The following LRP1B variants were observed in gnomAD, a reference collection of about 807,000 sequenced individuals.
The protein encoded by LRP1B is low-density lipoprotein receptor-related protein 1B.
LRP1B carries 217 observed loss-of-function variants against 556.6 expected under a neutral mutation model. That is an observed-to-expected ratio of 0.39 (90% CI 0.35 to 0.44). The LOEUF (loss-of-function observed/expected upper bound fraction) is 0.44. Ranked by LOEUF, LRP1B falls within the 20% of genes least tolerant of loss-of-function variation. The pLI, the probability that LRP1B is intolerant of heterozygous loss-of-function variation, is 1.00. For synonymous variants in LRP1B, 2,047 were observed against 1,865.8 expected (o/e 1.10, Z -2.50); for missense variants, 5,053 against 5,620.8 (o/e 0.90, Z 3.23).
At chr2:141,096,957 C>A (rs976955632) in intron 7 of LRP1B, among the ~76,000 whole-genome samples, 2 of 152,104 alleles carry the variant, frequency 1.3e-5, no homozygotes, top group African/African-American at 4.8e-5. Flanking sequence ...CAGAAAATTT[C>A]TGTAGATTAA....
intron 2 of LRP1B, among the ~76,000 whole-genome samples, chr2:141,501,176 T>C (rs773738561): frequency 1.2e-4 from 18 of 152,142 alleles, no homozygotes; most frequent in Non-Finnish European, 2.6e-4. Flanking sequence ...CTTAAGAAAC[T>C]TTCATCTTCT....
intron 2 of LRP1B, among the ~76,000 whole-genome samples, chr2:141,507,763 T>C (rs1186030922): frequency 6.6e-6 from 1 of 152,060 alleles, no homozygotes; most frequent in Non-Finnish European, 1.5e-5. Flanking sequence ...TAGGAAAAAA[T>C]ATTATGTTTT....
chr2:140,956,296 C>T (rs1695870290), intron 18 of LRP1B, among the ~76,000 whole-genome samples: 1 of 151,680 alleles, frequency 6.6e-6, no homozygotes, highest in Admixed American at 6.6e-5. Flanking sequence ...TTGAATACAA[C>T]ACTCTGATCA....
chr2:141,917,040 C>G (rs1248412512), intron 1 of LRP1B, among the ~76,000 whole-genome samples: 1 of 152,084 alleles, frequency 6.6e-6, no homozygotes, highest in Non-Finnish European at 1.5e-5. Flanking sequence ...CTTTGCCTTT[C>G]CAAATATGAA....
intron 2 of LRP1B, among the ~76,000 whole-genome samples, chr2:141,669,382 T>C (rs1690575685): frequency 6.6e-6 from 1 of 152,060 alleles, no homozygotes; most frequent in Non-Finnish European, 1.5e-5. Context: ...CCCCCAGAAA[T>C]CCTAGAAAAT....
intron 2 of LRP1B, among the ~76,000 whole-genome samples, chr2:141,601,188 CTGTCTGTCTGTCAG>C (rs1458110893): frequency 2.1e-5 from 3 of 142,586 alleles, no homozygotes; most frequent in African/African-American, 8.0e-5. Context: ...CATATAGTAT[CTGTCTGTCTGTCAG>C]TATCTATCTA....
intron 80 of LRP1B, among the ~76,000 whole-genome samples, chr2:140,325,111 G>A (rs1250351857): frequency 6.6e-6 from 1 of 151,958 alleles, no homozygotes; most frequent in Non-Finnish European, 1.5e-5. Context: ...GGAAAAGAAA[G>A]TGAAACAGAA....
At chr2:141,579,726 T>TTTTTTTTTTTTTTTTTTTTTTTTA in intron 2 of LRP1B, among the ~76,000 whole-genome samples, 1 of 136,582 alleles carries the variant, frequency 7.3e-6, no homozygotes, top group Non-Finnish European at 1.6e-5. Flanking sequence ...AGGTTTCACT[T>TTTTTTTTTTTTTTTTTTTTTTTTA]TTTTTTTTTT....
chr2:141,612,881 C>G (rs1037371773), intron 2 of LRP1B, among the ~76,000 whole-genome samples: 2 of 152,164 alleles, frequency 1.3e-5, no homozygotes, highest in South Asian at 2.1e-4. Context: ...CAGCTCACTG[C>G]AAGCTCTCCC....
rs2105171823 is a variant in LRP1B, at chr2:140,373,125, T to C, written c.10651A>G (p.Thr3551Ala). The change falls in exon 69 of 91, where the codon ACA (threonine) becomes GCA (alanine). Residue 3551 changes from threonine (T) to alanine (A), a missense_variant. By Grantham distance (58) the Thr-to-Ala change is moderately conservative (BLOSUM62 0). Around this residue, in one of 5 missense-constraint regions of LRP1B, gnomAD observed 599 missense variants for 648.4 expected, o/e 0.92. Transcript: ENST00000389484. ...ADGSDERNCE[T>A]SCSKDQFRCS... ...CGGAACTGATCTTTGGAACAACTTG[T>C]CTCACAATTTCTCTATGAAAAACAA... 1 of 1,612,940 alleles carries C rather than the reference T, an allele frequency of 6.2e-7. No individual in the cohort carries two copies. Among genetic ancestry groups the C allele is most frequent in the Non-Finnish European group, 8.5e-7 (1 of 1,179,352 alleles).
At chr2:141,853,805 C>T (rs1340321618) in intron 1 of LRP1B, among the ~76,000 whole-genome samples, 2 of 151,932 alleles carry the variant, frequency 1.3e-5, no homozygotes. Flanking sequence ...ATAAAGTATG[C>T]ATTTCTGAGA....
intron 2 of LRP1B, among the ~76,000 whole-genome samples, chr2:141,763,058 C>T (rs1694614487): frequency 1.3e-5 from 2 of 151,926 alleles, no homozygotes; most frequent in African/African-American, 4.8e-5. Context: ...TATTTGTAGC[C>T]CTTTCATGCA....
intron 1 of LRP1B, among the ~76,000 whole-genome samples, chr2:142,096,548 C>T (rs1422757224): frequency 1.3e-5 from 2 of 151,010 alleles, no homozygotes; most frequent in African/African-American, 4.9e-5. Flanking sequence ...CATAGGCCTC[C>T]TACTATGATG....
intron 1 of LRP1B, among the ~76,000 whole-genome samples, chr2:142,024,593 C>G (rs1425495077): frequency 2.1e-5 from 3 of 145,274 alleles, no homozygotes; most frequent in Non-Finnish European, 4.5e-5. Flanking sequence ...TTTCTGGTAG[C>G]TTGTCATGTC....
At chr2:140,916,933 T>A (rs1386396510) in intron 21 of LRP1B, among the ~76,000 whole-genome samples, 5 of 152,208 alleles carry the variant, frequency 3.3e-5, no homozygotes. Context: ...CACAGAGAAG[T>A]GTACATGTCA....
chr2:141,357,895 T>C (rs186062173), intron 3 of LRP1B, among the ~76,000 whole-genome samples: 1 of 152,344 alleles, frequency 6.6e-6, no homozygotes, highest in East Asian at 1.9e-4. Flanking sequence ...ATTATAATTC[T>C]GGACTGTTGT....
chr2:141,810,097 AAG>A (rs1295085431), intron 2 of LRP1B, among the ~76,000 whole-genome samples, 180 bp downstream of exon 2: 7 of 134,638 alleles, frequency 5.2e-5, no homozygotes, highest in African/African-American at 1.6e-4. Flanking sequence ...ATTTGGAAAA[AAG>A]AAAGAAAGAA....
chr2:141,117,687 A>G (rs62173715), intron 7 of LRP1B, among the ~76,000 whole-genome samples: 5,473 of 152,072 alleles, frequency 0.036, 137 homozygotes, highest in African/African-American at 0.066. Flanking sequence ...TAATTTCAAG[A>G]GGTAAAATTG....
At chr2:140,354,266 GCA>G (rs1037448040) in intron 75 of LRP1B, among the ~76,000 whole-genome samples, 1 of 152,052 alleles carries the variant, frequency 6.6e-6, no homozygotes, top group African/African-American at 2.4e-5. Flanking sequence ...CTTTTGCGTA[GCA>G]CACAAACAAT....
Sources: allele counts gnomAD v4.1 joint callset (sites outside exome capture counted in the v4.1 genomes callset), GRCh38; gene constraint gnomAD v4.1.1; regional missense constraint gnomAD v4.1.1; transcripts MANE v1.5; gene names NCBI Gene and HGNC (gene_info 2026-07-23, HGNC 2026-07-21).